PLA2G2C: variants seen among roughly 807,000 people sequenced by gnomAD.
PLA2G2C encodes phospholipase A2 group IIC.
PLA2G2C carries 15 observed loss-of-function variants against 14.3 expected under a neutral mutation model. The observed-to-expected ratio is 1.05, with a 90% CI of 0.70 to 1.62. PLA2G2C has a LOEUF of 1.62. Among genes scored for constraint, PLA2G2C ranks in the 40% most tolerant of loss-of-function variants. The pLI, the probability that PLA2G2C is intolerant of heterozygous loss-of-function variation, is 0.00. For synonymous variants in PLA2G2C, 79 were observed against 67.7 expected, an observed-to-expected ratio of 1.17 and a Z score of -0.82; for missense variants, 162 against 173.2, an observed-to-expected ratio of 0.94 and a Z score of 0.36.
intron 1 of PLA2G2C, among the ~76,000 whole-genome samples, chr1:20,179,300 G>A (rs577112441): frequency 2.4e-4 from 36 of 150,864 alleles, no homozygotes; most frequent in African/African-American, 8.0e-4. Flanking sequence ...GTGTGCGCGC[G>A]CACGTGCGTG....
chr1:20,181,027 T>C (rs1050116488), intron 1 of PLA2G2C, among the ~76,000 whole-genome samples: 1 of 152,234 alleles, frequency 6.6e-6, no homozygotes, highest in African/African-American at 2.4e-5. Context: ...TGCCTTCTTA[T>C]CAGTGCCTGG....
Position 20,175,093 on chromosome 1 carries a change from C to T in PLA2G2C, c.93G>A (p.Thr31=), listed in dbSNP as rs1483459405. Residue 31 remains threonine, a synonymous_variant, in exon 3 of 5, where the codon ACG becomes ACA. Coordinates refer to ENST00000679259, the MANE Select transcript of PLA2G2C (RefSeq NM_001367969.2). ...WQFQRRVKHI[T]GRSAFFSYYG... is the part of the protein sequence containing the mutation. ...AATATGAGAAGAAGGCACTTCGCCCCGTGATGTGTTTGACCCTCCTCTGAA... is the reference window on the plus strand; with the variant it reads ...AATATGAGAAGAAGGCACTTCGCCCTGTGATGTGTTTGACCCTCCTCTGAA... 8 of 1,613,738 alleles carry T rather than the reference C, an allele frequency of 5.0e-6. 1 individual carries two copies. Among genetic ancestry groups the T allele is most frequent in the Admixed American group, 1.7e-5 (1 of 60,006 alleles).
At chr1:20,181,192 C>T (rs1280768845) in intron 1 of PLA2G2C, among the ~76,000 whole-genome samples, 1 of 152,122 alleles carries the variant, frequency 6.6e-6, no homozygotes, top group Non-Finnish European at 1.5e-5. Context: ...GATAAGGAAA[C>T]TAGGCATGGA....
At chr1:20,170,701 G>GTGTCACAGAAAAGACACTTTGCTTTAGGC (rs1553183840) in intron 4 of PLA2G2C, among the ~76,000 whole-genome samples, 8 of 144,946 alleles carry the variant, frequency 5.5e-5, no homozygotes, top group South Asian at 4.9e-4. Flanking sequence ...AGCTGAGGAG[G>GTGTCACAGAAAAGACACTTTGCTTTAGGC]CGGGTGCTGA....
chr1:20,185,230 A>G (rs920283861), intron 1 of PLA2G2C, among the ~76,000 whole-genome samples: 5 of 152,214 alleles, frequency 3.3e-5, no homozygotes, highest in Non-Finnish European at 7.3e-5. Context: ...AACTGAGGTT[A>G]GAGACCTCGT....
At chr1:20,181,437 G>A (rs953170971) in intron 1 of PLA2G2C, among the ~76,000 whole-genome samples, 1 of 151,970 alleles carries the variant, frequency 6.6e-6, no homozygotes, top group Non-Finnish European at 1.5e-5. Flanking sequence ...AGCTGGCACA[G>A]GTCAGGTCAT....
chr1:20,174,444 C>T (rs1056089926), intron 3 of PLA2G2C, among the ~76,000 whole-genome samples: 3 of 152,182 alleles, frequency 2.0e-5, no homozygotes, highest in Non-Finnish European at 4.4e-5. Context: ...TGCAACCTCA[C>T]CCAGATGGAC....
chr1:20,186,321 GTC>G (rs1482133295), intron 1 of PLA2G2C, 37 bp downstream of exon 1: 1 of 152,278 alleles, frequency 6.6e-6, no homozygotes, highest in Middle Eastern at 3.2e-3. Flanking sequence ...CTGGAGAAAA[GTC>G]TGCTCCCGAG....
chr1:20,171,741 A>G (rs114531052), intron 4 of PLA2G2C, among the ~76,000 whole-genome samples: 1,680 of 151,374 alleles, frequency 0.011, 31 homozygotes, highest in African/African-American at 0.037. Context: ...GCCACACACT[A>G]TAAGAAGCCA....
intron 1 of PLA2G2C, among the ~76,000 whole-genome samples, chr1:20,179,358 G>T (rs2018239572): frequency 6.6e-6 from 1 of 151,736 alleles, no homozygotes; most frequent in South Asian, 2.1e-4. Context: ...TGGGCTCTGT[G>T]CGTGTGTGTG....
At chr1:20,183,474 C>T (rs1333912710) in intron 1 of PLA2G2C, among the ~76,000 whole-genome samples, 1 of 152,176 alleles carries the variant, frequency 6.6e-6, no homozygotes, top group Non-Finnish European at 1.5e-5. Flanking sequence ...CTCTGCTGCT[C>T]CTTCACCAGG....
chr1:20,164,041 T>C lies in PLA2G2C; in HGVS notation c.400A>G (p.Lys134Glu). Reference sequence around the variant, plus strand: ...CACCTGGGCTGGCTGGAGAACTGCTTGAAGTTTTTCTCATAGGTGGGCAGG... The same window carrying C: ...CACCTGGGCTGGCTGGAGAACTGCTCGAAGTTTTTCTCATAGGTGGGCAGG... Reference protein sequence around the residue: ...ESLPTYEKNFKQFSSQPRCGR... With the variant: ...ESLPTYEKNFEQFSSQPRCGR... Residue 134 changes from lysine (K) to glutamate (E), a missense_variant, in exon 5 of 5, where the codon AAG becomes GAG. Coordinates refer to ENST00000679259, the MANE Select transcript of PLA2G2C (RefSeq NM_001367969.2). 1.2e-6 allele frequency: 2 copies of C among 1,613,756 alleles called. No homozygotes were observed. The highest frequency in any genetic ancestry group is 8.5e-7 in the Non-Finnish European group (1 of 1,179,792).
intron 1 of PLA2G2C, chr1:20,186,069 C>G (rs1028419570): frequency 6.6e-6 from 1 of 151,920 alleles, no homozygotes; most frequent in Non-Finnish European, 1.5e-5. Context: ...TGGCCCCCCA[C>G]CCTGCGGCGT....
chr1:20,171,308 C>T (rs558655647), intron 4 of PLA2G2C, among the ~76,000 whole-genome samples: 2 of 152,198 alleles, frequency 1.3e-5, no homozygotes, highest in Non-Finnish European at 2.9e-5. Flanking sequence ...AGAGCTCCAA[C>T]TCAGGAAGTC....
At chr1:20,174,882 C>A in intron 3 of PLA2G2C, 125 bp downstream of exon 3, 1 of 1,007,184 alleles carries the variant, frequency 9.9e-7, no homozygotes, top group Non-Finnish European at 1.4e-6. Context: ...TCAGTTCTTC[C>A]TTCCATTAGC....
chr1:20,163,864 T>C lies in PLA2G2C; in HGVS notation c.*127A>G. 2.8e-6 allele frequency: 3 copies of C among 1,085,064 alleles called. No individual in the cohort carries two copies. The highest frequency in any genetic ancestry group is 3.9e-6 in the Non-Finnish European group (3 of 772,798). 67.2% of individuals were successfully genotyped at this position (1,085,064 alleles called of 1,614,324 possible). Reference sequence around the variant, plus strand: ...CAGAATGCTGAAGGGTGAGCTGCCCTGCGGGAGACATTTTGTCCTCCCTCC... The same window carrying C: ...CAGAATGCTGAAGGGTGAGCTGCCCCGCGGGAGACATTTTGTCCTCCCTCC... On this transcript the variant is annotated 3_prime_UTR_variant, in exon 5 of 5. Coordinates refer to ENST00000679259, the MANE Select transcript of PLA2G2C (RefSeq NM_001367969.2).
chr1:20,179,960 TCGTGTG>T (rs2018255302), intron 1 of PLA2G2C, among the ~76,000 whole-genome samples: 3 of 150,970 alleles, frequency 2.0e-5, no homozygotes, highest in Non-Finnish European at 4.4e-5. Flanking sequence ...AGCTTCTCCC[TCGTGTG>T]TCAGTTTCTC....
intron 4 of PLA2G2C, among the ~76,000 whole-genome samples, chr1:20,170,760 A>G (rs1353636198): frequency 1.0e-5 from 1 of 96,100 alleles, no homozygotes; most frequent in Non-Finnish European, 2.2e-5. Context: ...TGCCCTGAGC[A>G]AGGCTCTGGA....
At chr1:20,171,758 C>CTTTT (rs10710359) in intron 4 of PLA2G2C, among the ~76,000 whole-genome samples, 29 of 121,508 alleles carry the variant, frequency 2.4e-4, no homozygotes, top group Non-Finnish European at 3.8e-4. Context: ...GCCACTTCTT[C>CTTTT]TTTTTTTTTT....
Sources: gnomAD v4.1 joint callset for allele counts (sites outside exome capture counted in the v4.1 genomes callset) on GRCh38, gnomAD v4.1.1 for gene constraint, MANE v1.5 for transcripts, NCBI Gene and HGNC (gene_info 2026-07-23, HGNC 2026-07-21) for gene names.